FOXJ3: variants seen among roughly 807,000 people sequenced by gnomAD.
The protein encoded by FOXJ3 is forkhead box protein J3.
A neutral mutation model predicts 76.1 loss-of-function variants in FOXJ3; 22 were observed. The observed-to-expected ratio is 0.29, with a 90% CI of 0.21 to 0.41. The LOEUF is 0.41. Ranked by LOEUF, FOXJ3 falls within the 10% of genes least tolerant of loss-of-function variation. The pLI is 1.00. For missense variants in FOXJ3, 613 were observed against 762.1 expected, an observed-to-expected ratio of 0.80 and a Z score of 2.30; for synonymous variants, 269 against 261.2, an observed-to-expected ratio of 1.03 and a Z score of -0.29.
At chr1:42,258,982 C>G (rs1557680708) in intron 4 of FOXJ3, among the ~76,000 whole-genome samples, 1 of 152,112 alleles carries the variant, frequency 6.6e-6, no homozygotes. Flanking sequence ...ACTTGATGGT[C>G]AAATGATCAT....
At chr1:42,190,819 C>T (rs757754540) in intron 9 of FOXJ3, among the ~76,000 whole-genome samples, 9 of 152,138 alleles carry the variant, frequency 5.9e-5, no homozygotes, top group Non-Finnish European at 1.2e-4. Flanking sequence ...AACTCTGCAG[C>T]GACTGGGTGA....
intron 1 of FOXJ3, among the ~76,000 whole-genome samples, chr1:42,324,387 TAA>T (rs980581366): frequency 6.8e-6 from 1 of 147,340 alleles, no homozygotes; most frequent in Admixed American, 6.8e-5. Flanking sequence ...ATATAACATA[TAA>T]ATACTATATA....
At chr1:42,233,991 GT>G (rs1452980278) in intron 4 of FOXJ3, among the ~76,000 whole-genome samples, 1 of 152,202 alleles carries the variant, frequency 6.6e-6, no homozygotes, top group Non-Finnish European at 1.5e-5. Context: ...TTTATTGAGA[GT>G]TTTTAGCATG....
At chr1:42,272,762 A>G (rs1335123599) in intron 3 of FOXJ3, among the ~76,000 whole-genome samples, 1 of 152,222 alleles carries the variant, frequency 6.6e-6, no homozygotes, top group African/African-American at 2.4e-5. Context: ...AAGCCAGACA[A>G]GTTAATGAGG....
At chr1:42,305,938 A>C (rs1397670876) in intron 2 of FOXJ3, among the ~76,000 whole-genome samples, 4 of 152,208 alleles carry the variant, frequency 2.6e-5, no homozygotes, top group African/African-American at 4.8e-5. Flanking sequence ...GTGATTATGC[A>C]CTGCATGCCT....
At position 42,195,062 on chromosome 1, in the gene FOXJ3, C is replaced by T; in HGVS notation, c.762G>A (p.Val254=). The T allele has an allele frequency of 2.5e-6, 4 of 1,593,646 alleles. No homozygotes were observed. The South Asian group carries it at 4.6e-5, about 18-fold the overall frequency. ...GAGAGACTGATTCTGGATGGCTTGT[C>T]ACCTAACATTAAAAGAAAACACAAC... ...SVGSVHSYTP[V]TSHPESVSQS... The change falls in exon 8 of 13, where the codon GTG becomes GTA. Residue 254 remains valine, a splice_region_variant and synonymous_variant. Transcript: ENST00000361346.
intron 1 of FOXJ3, among the ~76,000 whole-genome samples, chr1:42,317,021 A>G (rs895900704): frequency 2.0e-5 from 3 of 152,148 alleles, no homozygotes; most frequent in African/African-American, 7.2e-5. Flanking sequence ...AAACCTACTG[A>G]AATAAAAAAA....
chr1:42,306,073 GATAC>G (rs1410882910), intron 2 of FOXJ3, among the ~76,000 whole-genome samples: 1 of 152,132 alleles, frequency 6.6e-6, no homozygotes, highest in Non-Finnish European at 1.5e-5. Context: ...TGTCATATGA[GATAC>G]ATACATATTC....
intron 1 of FOXJ3, among the ~76,000 whole-genome samples, chr1:42,323,323 T>G (rs1655543451): frequency 6.6e-6 from 1 of 152,302 alleles, no homozygotes; most frequent in East Asian, 1.9e-4. Context: ...GATCGGTATT[T>G]CTCAAATATG....
intron 3 of FOXJ3, among the ~76,000 whole-genome samples, chr1:42,274,635 G>A (rs1652119220): frequency 6.6e-6 from 1 of 152,062 alleles, no homozygotes; most frequent in Admixed American, 6.6e-5. Flanking sequence ...CTATTGTGTG[G>A]CCTAAAGAGA....
chr1:42,310,955 G>T, intron 2 of FOXJ3, 95 bp downstream of exon 2: 4 of 719,716 alleles, frequency 5.6e-6, no homozygotes, highest in South Asian at 1.9e-5. Context: ...ATTTTATTCT[G>T]AATCTCACCT....
At chr1:42,250,345 A>C (rs749616112) in intron 4 of FOXJ3, among the ~76,000 whole-genome samples, 2 of 152,242 alleles carry the variant, frequency 1.3e-5, no homozygotes, top group African/African-American at 2.4e-5. Flanking sequence ...TATACAGATA[A>C]GGATAATACG....
chr1:42,284,192 A>G (rs1280856031), intron 2 of FOXJ3, among the ~76,000 whole-genome samples: 1 of 152,220 alleles, frequency 6.6e-6, no homozygotes, highest in African/African-American at 2.4e-5. Context: ...CAGTGTGGTG[A>G]TACAAGTAAC....
rs144453153 is a variant in FOXJ3 at position 42,225,431 on chromosome 1, A to T, written c.528+2452T>A. 7.1e-3 allele frequency among the ~76,000 whole-genome samples: 1,086 copies of T among 152,282 alleles called. 21 individuals carry two copies. Among genetic ancestry groups the T allele is most frequent in the African/African-American group, 0.025 (1,048 of 41,550 alleles). ...CCTCTCACTTCCCACTCTAAAAAAA[A>T]CTCTAAAGGAAAAATACAGGTAATT... On this transcript the variant is annotated intron_variant, in intron 5 of 12. Transcript: ENST00000361346.
chr1:42,323,078 T>C (rs1655527582), intron 1 of FOXJ3, among the ~76,000 whole-genome samples: 1 of 152,142 alleles, frequency 6.6e-6, no homozygotes. Context: ...AGAAACCAAA[T>C]GTCAAGTGTA....
intron 2 of FOXJ3, among the ~76,000 whole-genome samples, chr1:42,293,690 A>G (rs1653590710): frequency 1.3e-5 from 2 of 152,182 alleles, no homozygotes; most frequent in Admixed American, 6.5e-5. Context: ...CTATAGACCT[A>G]TCTTGCACTA....
chr1:42,247,322 T>A (rs973561415), intron 4 of FOXJ3, among the ~76,000 whole-genome samples: 1 of 152,076 alleles, frequency 6.6e-6, no homozygotes, highest in African/African-American at 2.4e-5. Flanking sequence ...TTTAAAAAAA[T>A]TTTTAAGAAG....
intron 6 of FOXJ3, among the ~76,000 whole-genome samples, chr1:42,199,647 A>T (rs192592913): frequency 0.083 from 12,590 of 151,734 alleles, 685 homozygotes; most frequent in Middle Eastern, 0.15. Flanking sequence ...TTTTTTTTTT[A>T]AAATCACAGG....
intron 2 of FOXJ3, among the ~76,000 whole-genome samples, chr1:42,282,671 G>A (rs1322928820): frequency 2.0e-5 from 3 of 152,126 alleles, no homozygotes; most frequent in Admixed American, 6.6e-5. Flanking sequence ...TAAGGAATAA[G>A]GGCCTTCTGT....
Sources: allele counts gnomAD v4.1 joint callset (sites outside exome capture counted in the v4.1 genomes callset), GRCh38; gene constraint gnomAD v4.1.1; transcripts MANE v1.5; gene names NCBI Gene and HGNC (gene_info 2026-07-23, HGNC 2026-07-21).